HSPA4L: variants seen among roughly 807,000 people sequenced by gnomAD.
HSPA4L encodes heat shock 70 kDa protein 4L.
A neutral mutation model predicts 100.3 loss-of-function variants in HSPA4L; 48 were observed. The observed-to-expected ratio is 0.48, with a 90% CI of 0.38 to 0.61. The LOEUF is 0.61. Among genes scored for constraint, HSPA4L ranks in the 20% least tolerant of loss-of-function variants. HSPA4L has a pLI of 0.00. For synonymous variants in HSPA4L, 319 were observed against 328.2 expected, an observed-to-expected ratio of 0.97 and a Z score of 0.30; for missense variants, 886 against 988.6, an observed-to-expected ratio of 0.90 and a Z score of 1.39.
intron 16 of HSPA4L, 33 bp downstream of exon 16, chr4:127,823,657 C>G (rs747672625): frequency 7.3e-7 from 1 of 1,373,596 alleles, no homozygotes. Flanking sequence ...TTAGTATAAA[C>G]CAGTAACTTT....
At chr4:127,792,927 C>T (rs953912071) in intron 1 of HSPA4L, among the ~76,000 whole-genome samples, 10 of 152,126 alleles carry the variant, frequency 6.6e-5, no homozygotes, top group African/African-American at 1.9e-4. Context: ...TTTACAAAGG[C>T]CCTGAGGCAA....
In HSPA4L at chr4:127,795,766, A is replaced by G. The variant is rs751327696; in HGVS notation, c.166-2A>G. 6.2e-7 allele frequency: 1 copy of G among 1,613,320 alleles called. No homozygotes were observed. The highest frequency in any genetic ancestry group is 1.1e-5 in the South Asian group (1 of 90,980). On this transcript the variant is annotated splice_acceptor_variant, in intron 2 of 18. Transcript: ENST00000296464. LOFTEE classifies it high-confidence loss of function. ...ATAAATACAAGTGTTTACTGCCAAC[A>G]GATAGTCACGAACGTAAGAAATACA...
In HSPA4L at chr4:127,811,520, GGAAT is replaced by G. The variant is rs767618928; in HGVS notation, c.1463_1466del (p.Gly488AlafsTer9). The G allele has an allele frequency of 6.2e-7, 1 of 1,613,922 alleles. No individual in the cohort carries two copies. The highest frequency in any genetic ancestry group is 8.5e-7 in the Non-Finnish European group (1 of 1,179,900). On this transcript the variant is annotated frameshift_variant, in exon 12 of 19. Transcript: ENST00000296464. LOFTEE classifies it high-confidence loss of function. ...GGTTAAAGTTCGTGTTAACATCCAT[GGAAT>G]CTTCAGTGTGGCTAGCGCATCAGTA...
At chr4:127,783,487 G>T in intron 1 of HSPA4L, 1 of 1,455,590 alleles carries the variant, frequency 6.9e-7, no homozygotes, top group Non-Finnish European at 9.0e-7. Flanking sequence ...AAAGGCTTAG[G>T]AGGAGCGGCG....
chr4:127,801,813 G>A lies in HSPA4L; in HGVS notation c.558G>A (p.Gln186=). Residue 186 remains glutamine (Q), a synonymous_variant, in exon 6 of 19, where the codon CAG becomes CAA. Transcript: ENST00000296464. ...AVALAYGIYK[Q]DLPPLDEKPR... is the part of the protein sequence containing the mutation. ...CACTGGCGTATGGAATTTATAAACA[G>A]GATCTTCCCCCATTAGATGAGAAAC... 6.2e-7 allele frequency: 1 copy of A among 1,609,884 alleles called. No homozygotes were observed. The highest frequency in any genetic ancestry group is 8.5e-7 in the Non-Finnish European group (1 of 1,177,904).
At position 127,839,535 on chromosome 4, in the gene HSPA4L, T is replaced by G. The variant is rs896289459; in HGVS notation, c.*6661T>G. The G allele has an allele frequency of 6.6e-6, 1 of 151,490 alleles. No individual in the cohort carries two copies. The highest frequency in any genetic ancestry group is 2.4e-5 in the African/African-American group (1 of 41,190). 9.4% of individuals were successfully genotyped at this position (151,490 alleles called of 1,614,324 possible). The stretch of plus-strand genomic sequence containing the variant: ...CCCTGGCGAAACCCCATTTCTAAAA[T>G]AGAAAAATTTAGCCGGGTGTGGTGG... On this transcript the variant is annotated 3_prime_UTR_variant, in exon 19 of 19. Transcript: ENST00000296464.
rs747873225 is a variant in HSPA4L, at chr4:127,839,371, G to C, written c.*6497G>C. On this transcript the variant is annotated 3_prime_UTR_variant, in exon 19 of 19. Transcript: ENST00000296464. ...GGAGGCCGAGGCAGGTGGATCGCCT[G>C]AGCTCAGGAGTTCAAGACCAGCCTG... 1 of 152,396 alleles carries C rather than the reference G, an allele frequency of 6.6e-6. No homozygotes were observed. The highest frequency in any genetic ancestry group is 1.5e-5 in the Non-Finnish European group (1 of 68,220). The allele number at this position is 152,396 out of a possible 1,614,324, so 9.4% of individuals were successfully genotyped here.
At chr4:127,813,082 A>G (rs1356694406) in intron 12 of HSPA4L, 18 of 1,186,348 alleles carry the variant, frequency 1.5e-5, no homozygotes, top group South Asian at 7.2e-5. Flanking sequence ...CTTGATGTCT[A>G]CAATATCACC....
At chr4:127,785,074 C>A (rs1039539440) in intron 1 of HSPA4L, among the ~76,000 whole-genome samples, 3 of 152,078 alleles carry the variant, frequency 2.0e-5, no homozygotes, top group African/African-American at 7.2e-5. Flanking sequence ...TCCATATAAA[C>A]CAAGAAGGAC....
rs1734295490 is a variant in HSPA4L, at chr4:127,838,776, ATTT to A, written c.*5906_*5908del. ...ACTGTATTTTTCTCAAGTATTTGTT[ATTT>A]TTTATTATCCTTTAGATCTTTTTGT... On this transcript the variant is annotated 3_prime_UTR_variant, in exon 19 of 19. Coordinates refer to ENST00000296464, the MANE Select transcript of HSPA4L (RefSeq NM_014278.4). The A allele has an allele frequency of 6.6e-6, 1 of 152,122 alleles. No individual in the cohort carries two copies. The highest frequency in any genetic ancestry group is 2.4e-5 in the African/African-American group (1 of 41,440). 9.4% of individuals were successfully genotyped at this position (152,122 alleles called of 1,614,324 possible). A position where few individuals can be genotyped will look rare whatever the true frequency, so the allele number is the denominator to read the frequency against.
intron 10 of HSPA4L, among the ~76,000 whole-genome samples, chr4:127,807,779 A>G (rs866154145): frequency 6.6e-6 from 1 of 152,128 alleles, no homozygotes; most frequent in Non-Finnish European, 1.5e-5. Context: ...TTAATAGTAT[A>G]CAGTTGTCTG....
chr4:127,808,225 A>C, intron 11 of HSPA4L, 96 bp downstream of exon 11: 3 of 983,234 alleles, frequency 3.1e-6, no homozygotes, highest in Non-Finnish European at 4.5e-6. Context: ...CAGCTAAGCC[A>C]GTATGGGACT....
chr4:127,813,461 T>C (rs1212088447), intron 12 of HSPA4L: 12 of 323,806 alleles, frequency 3.7e-5, no homozygotes, highest in Non-Finnish European at 6.7e-5. Context: ...GAAATGTCTT[T>C]ATTTGTTAGT....
intron 2 of HSPA4L, 94 bp downstream of exon 2, chr4:127,794,228 G>C: frequency 1.1e-6 from 1 of 918,690 alleles, no homozygotes; most frequent in Non-Finnish European, 1.7e-6. Flanking sequence ...GAGTGAATAA[G>C]AGAGTGAGGA....
In HSPA4L at chr4:127,833,738, T is replaced by C. The variant is rs566045367; in HGVS notation, c.*864T>C. Reference sequence around the variant, plus strand: ...AATAGTTGTCTTGTTTTTTTCTTAATTGATTTTGTTAATAATACCTTAACA... The same window carrying C: ...AATAGTTGTCTTGTTTTTTTCTTAACTGATTTTGTTAATAATACCTTAACA... On this transcript the variant is annotated 3_prime_UTR_variant, in exon 19 of 19. Transcript: ENST00000296464. 1 of 152,316 alleles carries C rather than the reference T, an allele frequency of 6.6e-6. No individual in the cohort carries two copies. Among genetic ancestry groups the C allele is most frequent in the African/African-American group, 2.4e-5 (1 of 41,580 alleles). 9.4% of individuals were successfully genotyped at this position (152,316 alleles called of 1,614,324 possible). A position where few individuals can be genotyped will look rare whatever the true frequency, so the allele number is the denominator to read the frequency against.
intron 14 of HSPA4L, among the ~76,000 whole-genome samples, chr4:127,821,250 G>A (rs1733805699): frequency 6.6e-6 from 1 of 152,014 alleles, no homozygotes; most frequent in South Asian, 2.1e-4. Context: ...AGCATTCCTG[G>A]AGATCCTGAA....
intron 1 of HSPA4L, chr4:127,783,791 T>C (rs1440685774): frequency 2.2e-6 from 2 of 928,236 alleles, no homozygotes; most frequent in Non-Finnish European, 3.2e-6. Flanking sequence ...TTTACTATTC[T>C]ATGGAAAGCT....
At chr4:127,813,010 A>G in intron 12 of HSPA4L, 4 of 879,234 alleles carry the variant, frequency 4.5e-6, no homozygotes, top group Non-Finnish European at 7.6e-6. Flanking sequence ...AACATTGTAG[A>G]CTCTTCCAGT....
chr4:127,805,372 T>C, intron 9 of HSPA4L, 148 bp downstream of exon 9: 1 of 620,314 alleles, frequency 1.6e-6, no homozygotes, highest in Non-Finnish European at 2.7e-6. Context: ...GTCTTATGTC[T>C]TTCCCATTTA....
Sources: gnomAD v4.1 joint callset for allele counts (sites outside exome capture counted in the v4.1 genomes callset) on GRCh38, gnomAD v4.1.1 for gene constraint, MANE v1.5 for transcripts, NCBI Gene and HGNC (gene_info 2026-07-23, HGNC 2026-07-21) for gene names.